The following PI4KA variants were observed in gnomAD, a reference collection of about 807,000 sequenced individuals.
PI4KA encodes phosphatidylinositol 4-kinase alpha.
Under a neutral mutation model 271.4 loss-of-function variants are expected in PI4KA, and 122 were observed. The ratio of observed to expected loss-of-function variants is 0.45; its 90% CI spans 0.39 to 0.52. PI4KA has a LOEUF of 0.52. PI4KA is among the 20% of genes least tolerant of loss of function. PI4KA has a pLI of 0.00. For missense variants in PI4KA, 1,969 were observed against 2,769.1 expected, an observed-to-expected ratio of 0.71 and a Z score of 6.48; for synonymous variants, 1,041 against 1,078.8, an observed-to-expected ratio of 0.96 and a Z score of 0.69.
chr22:20,828,406 T>G (rs1018708211), intron 3 of PI4KA, among the ~76,000 whole-genome samples: 1 of 152,036 alleles, frequency 6.6e-6, no homozygotes, highest in African/African-American at 2.4e-5. Context: ...ATAGGAGAGG[T>G]GAGAGAGGGC....
rs1195344480 is a variant in PI4KA, at chr22:20,819,752, A to G, written c.678T>C (p.Val226=). 1 of 1,614,166 alleles carries G rather than the reference A, an allele frequency of 6.2e-7. No individual in the cohort carries two copies. Among genetic ancestry groups the G allele is most frequent in the South Asian group, 1.1e-5 (1 of 91,082 alleles). The change falls in exon 6 of 55, where the codon GTT becomes GTC. Residue 226 remains valine, a synonymous_variant. Transcript: ENST00000255882. ...SLRVLEELEG[V]RRRSFNDFRS... is the part of the protein sequence containing the mutation. Reference sequence around the variant, plus strand: ...GGAAGTCATTAAAGGAACGCCTTCGAACACCTTCAAGCTCTTCCAGGACAC... The same window carrying G: ...GGAAGTCATTAAAGGAACGCCTTCGGACACCTTCAAGCTCTTCCAGGACAC...
At chr22:20,713,229 G>A (rs1925546246) in intron 48 of PI4KA, 52 bp downstream of exon 48, 2 of 1,302,512 alleles carry the variant, frequency 1.5e-6, no homozygotes, top group Non-Finnish European at 2.2e-6. Flanking sequence ...CTGGAGCCTT[G>A]GGGAGCAGCA....
chr22:20,825,433 G>A (rs771590826), intron 3 of PI4KA, among the ~76,000 whole-genome samples: 15 of 151,820 alleles, frequency 9.9e-5, no homozygotes, highest in Admixed American at 3.9e-4. Flanking sequence ...TATCTCTACC[G>A]AAAATACAAA....
chr22:20,727,707 C>A, intron 40 of PI4KA, 67 bp downstream of exon 40: 5 of 1,196,484 alleles, frequency 4.2e-6, no homozygotes, highest in Middle Eastern at 2.0e-4. Flanking sequence ...TAGTTTCAGG[C>A]ATTTCTGGGT....
At chr22:20,853,543 A>C (rs902488379) in intron 1 of PI4KA, among the ~76,000 whole-genome samples, 1 of 152,150 alleles carries the variant, frequency 6.6e-6, no homozygotes, top group African/African-American at 2.4e-5. Context: ...TTTTCTTCTT[A>C]TCTTTCTCCC....
At chr22:20,793,079 C>A in intron 19 of PI4KA, 114 bp downstream of exon 19, 1 of 720,356 alleles carries the variant, frequency 1.4e-6, no homozygotes, top group Admixed American at 2.0e-5. Context: ...CATCTAGAGG[C>A]ATAGGGGCCT....
At chr22:20,782,841 T>G (rs968441085) in intron 19 of PI4KA, among the ~76,000 whole-genome samples, 1 of 152,156 alleles carries the variant, frequency 6.6e-6, no homozygotes, top group Admixed American at 6.5e-5. Context: ...TGAGAAACCC[T>G]GGGTGAGGCA....
chr22:20,845,284 G>A (rs77513091), intron 1 of PI4KA, among the ~76,000 whole-genome samples: 5,343 of 152,234 alleles, frequency 0.035, 119 homozygotes, highest in South Asian at 0.098. Flanking sequence ...TGGATGACTG[G>A]GCAGAAAATT....
chr22:20,793,435 G>A, intron 18 of PI4KA, 192 bp from the exon 19 acceptor site: 1 of 507,204 alleles, frequency 2.0e-6, no homozygotes, highest in South Asian at 2.9e-5. Flanking sequence ...GAAAACAAAT[G>A]TGAAAAATAA....
rs552638456 is a variant in PI4KA at position 20,724,758 on chromosome 22, G to A, written c.4995+1730C>T. 5.9e-5 allele frequency among the ~76,000 whole-genome samples: 9 copies of A among 152,208 alleles called. No individual in the cohort carries two copies. The South Asian group carries it at 1.7e-3, about 28-fold the overall frequency. The stretch of plus-strand genomic sequence containing the variant: ...GGTAGCCACCACCAAGAGTTCACAC[G>A]GAGGCCCTGGGTACTGGCTCCCCTC... On this transcript the variant is annotated intron_variant, in intron 42 of 54. Coordinates refer to ENST00000255882, the MANE Select transcript of PI4KA (RefSeq NM_058004.4).
intron 7 of PI4KA, among the ~76,000 whole-genome samples, chr22:20,814,177 T>C (rs1172783878): frequency 8.0e-6 from 1 of 125,022 alleles, no homozygotes; most frequent in Admixed American, 8.9e-5. Flanking sequence ...TCACCAAAAT[T>C]AGAAAAAAAA....
chr22:20,824,176 G>C (rs165699), intron 4 of PI4KA, 150 bp downstream of exon 4: 1 of 669,204 alleles, frequency 1.5e-6, no homozygotes, highest in East Asian at 2.8e-5. Flanking sequence ...AAAGACCTAA[G>C]CATGTCTTAG....
intron 18 of PI4KA, 30 bp from the exon 19 acceptor site, chr22:20,793,273 C>A: frequency 7.5e-7 from 1 of 1,336,772 alleles, no homozygotes; most frequent in Non-Finnish European, 1.1e-6. Flanking sequence ...TTGTCATTAA[C>A]GAGTATGTGT....
rs1285688407 is a variant in PI4KA at position 20,858,561 on chromosome 22, C to A, written c.156+9G>T. The A allele has an allele frequency of 1.5e-6, 2 of 1,374,848 alleles. No homozygotes were observed. The highest frequency in any genetic ancestry group is 3.1e-5 in the East Asian group (1 of 32,436). 85.2% of individuals were successfully genotyped at this position (1,374,848 alleles called of 1,614,324 possible). A position where few individuals can be genotyped will look rare whatever the true frequency, so the allele number is the denominator to read the frequency against. On this transcript the variant is annotated intron_variant, in intron 1 of 54. Coordinates refer to ENST00000255882, the MANE Select transcript of PI4KA (RefSeq NM_058004.4). ...CCTGTCAGCCCGCGGCCCAGCCCGC[C>A]GACGTTACCTTCTCCAAGGATGCTG...
At chr22:20,810,725 T>C (rs1186328205) in intron 9 of PI4KA, among the ~76,000 whole-genome samples, 1 of 152,106 alleles carries the variant, frequency 6.6e-6, no homozygotes, top group Non-Finnish European at 1.5e-5. Context: ...ACTAAAACTC[T>C]ATCTTCTGTC....
intron 7 of PI4KA, 86 bp from the exon 8 acceptor site, chr22:20,813,592 A>C: frequency 8.0e-7 from 1 of 1,247,786 alleles, no homozygotes; most frequent in Non-Finnish European, 1.1e-6. Context: ...TAACCAACAA[A>C]GGTGCAGATT....
At chr22:20,735,959 C>T (rs1263014600) in intron 32 of PI4KA, among the ~76,000 whole-genome samples, 2 of 152,168 alleles carry the variant, frequency 1.3e-5, no homozygotes, top group Non-Finnish European at 2.9e-5. Flanking sequence ...CTGGTGGCTG[C>T]CTCTGTGCCA....
chr22:20,769,610 A>G (rs1269197343), intron 19 of PI4KA, among the ~76,000 whole-genome samples: 1 of 151,460 alleles, frequency 6.6e-6, no homozygotes, highest in East Asian at 1.9e-4. Context: ...CCGAGGTTGC[A>G]GTGAGCCAAG....
chr22:20,796,476 A>G (rs1934994939), intron 17 of PI4KA, among the ~76,000 whole-genome samples, 162 bp from the exon 18 acceptor site: 1 of 152,250 alleles, frequency 6.6e-6, no homozygotes, highest in South Asian at 2.1e-4. Context: ...GGAGAAGAAC[A>G]TGTCATCTTC....
Sources: gnomAD v4.1 joint callset for allele counts (sites outside exome capture counted in the v4.1 genomes callset) on GRCh38, gnomAD v4.1.1 for gene constraint, MANE v1.5 for transcripts, NCBI Gene and HGNC (gene_info 2026-07-23, HGNC 2026-07-21) for gene names.